MYO18B: variants seen among roughly 807,000 people sequenced by gnomAD.
MYO18B encodes the protein myosin XVIIIB, also known as unconventional myosin-XVIIIb.
Under a neutral mutation model 273.0 loss-of-function variants are expected in MYO18B, and 204 were observed. The ratio of observed to expected loss-of-function variants is 0.75; its 90% confidence interval spans 0.67 to 0.84. The LOEUF is 0.84. Among genes scored for constraint, MYO18B ranks in the 40% least tolerant of loss-of-function variants. The pLI, the probability that MYO18B is intolerant of heterozygous loss-of-function variation, is 0.00. For synonymous variants in MYO18B, 1,330 were observed against 1,305.7 expected (o/e 1.02, Z -0.40); for missense variants, 3,212 against 3,287.6 (o/e 0.98, Z 0.56).
rs180915341 is a variant in MYO18B at position 25,836,878 on chromosome 22, C to T, written c.3208+1435C>T. On this transcript the variant is annotated intron_variant, in intron 17 of 43. Coordinates refer to ENST00000335473, the MANE Select transcript of MYO18B (RefSeq NM_032608.7). Reference sequence around the variant, plus strand: ...TCGGGAGGCTGAGGCAGGAGAATTGCTTGAACCCAGGAGGTAGAGTTTGCA... The same window carrying T: ...TCGGGAGGCTGAGGCAGGAGAATTGTTTGAACCCAGGAGGTAGAGTTTGCA... Among the ~76,000 whole-genome samples, 107 of 151,984 alleles carry T rather than the reference C, an allele frequency of 7.0e-4. 1 individual carries two copies. In the East Asian group the frequency reaches 0.019, roughly 27 times the overall value.
intron 39 of MYO18B, among the ~76,000 whole-genome samples, chr22:25,984,865 A>T (rs2093184785): frequency 6.6e-6 from 1 of 151,682 alleles, no homozygotes. Context: ...GAAGCACAGG[A>T]CAGCACTGGA....
intron 39 of MYO18B, among the ~76,000 whole-genome samples, chr22:25,959,597 T>A (rs2092895500): frequency 6.6e-6 from 1 of 152,158 alleles, no homozygotes; most frequent in Admixed American, 6.6e-5. Flanking sequence ...AGAATTCACA[T>A]CCTCCCTGGG....
chr22:26,051,049 G>A, the MYO18B span, among the ~76,000 whole-genome samples: 1 of 152,082 alleles, frequency 6.6e-6, no homozygotes, highest in Admixed American at 6.5e-5. Flanking sequence ...TCACCTGCAG[G>A]AACAAAGCGC....
intron 42 of MYO18B, among the ~76,000 whole-genome samples, chr22:26,023,159 T>G (rs935111124): frequency 3.9e-5 from 6 of 152,136 alleles, no homozygotes; most frequent in Admixed American, 2.6e-4. Context: ...CCTCTTTCTC[T>G]CCATCTCATT....
chr22:25,936,724 C>T (rs985242980), intron 34 of MYO18B, among the ~76,000 whole-genome samples: 9 of 152,114 alleles, frequency 5.9e-5, no homozygotes, highest in Non-Finnish European at 8.8e-5. Context: ...ATCAGGGTAC[C>T]AGCATGCCTG....
chr22:25,891,614 T>C (rs1330756193), intron 27 of MYO18B, among the ~76,000 whole-genome samples: 1 of 152,252 alleles, frequency 6.6e-6, no homozygotes, highest in Non-Finnish European at 1.5e-5. Flanking sequence ...AATCCAACAA[T>C]ATCCCAGGTA....
Position 25,950,390 on chromosome 22 carries a change from C to A in MYO18B, c.5772C>A (p.Ile1924=). 6.2e-7 allele frequency: 1 copy of A among 1,605,794 alleles called. No homozygotes were observed. Among genetic ancestry groups the A allele is most frequent in the Non-Finnish European group, 8.5e-7 (1 of 1,176,214 alleles). ...AGTCTGCTGCTGACATTGGGCAGAT[C>A]CAAGAACTGCAGCTGCAGCTGGAGG... ...IAQSAADIGQ[I]QELQLQLEEA... is the part of the protein sequence containing the mutation. The change falls in exon 37 of 44, where the codon ATC becomes ATA. Residue 1924 remains isoleucine (I), a synonymous_variant. Transcript: ENST00000335473.
chr22:25,772,233 A>G, intron 6 of MYO18B, 101 bp from the exon 7 acceptor site: 1 of 1,071,012 alleles, frequency 9.3e-7, no homozygotes, highest in Non-Finnish European at 1.3e-6. Context: ...ATAGCTCTCA[A>G]GAGGAGGGCT....
the MYO18B span, among the ~76,000 whole-genome samples, chr22:26,044,338 G>A: frequency 9.2e-5 from 14 of 152,142 alleles, no homozygotes; most frequent in East Asian, 1.7e-3. Context: ...TGGTAAAGCC[G>A]GTTTATTATT....
Position 25,930,784 on chromosome 22 carries a change from T to C in MYO18B, c.5517+9375T>C, listed in dbSNP as rs1183677039. Among the ~76,000 whole-genome samples, 5 of 152,128 alleles carry C rather than the reference T, an allele frequency of 3.3e-5. No homozygotes were observed. In the East Asian group the frequency reaches 5.8e-4, roughly 18 times the overall value. ...CTTCCCTGGACACCCTGAGTGCTCC[T>C]GTAGGTCCTTCCACTTGGGAATTCT... On this transcript the variant is annotated intron_variant, in intron 34 of 43. Coordinates refer to ENST00000335473, the MANE Select transcript of MYO18B (RefSeq NM_032608.7).
chr22:25,890,228 A>G (rs375616956), intron 25 of MYO18B, among the ~76,000 whole-genome samples: 1 of 152,224 alleles, frequency 6.6e-6, no homozygotes. Flanking sequence ...CTGGATGTGC[A>G]TGCCTGTCAC....
intron 34 of MYO18B, among the ~76,000 whole-genome samples, chr22:25,941,786 C>T (rs1289736882): frequency 6.6e-6 from 1 of 152,212 alleles, no homozygotes; most frequent in Non-Finnish European, 1.5e-5. Context: ...CTATCCAGAT[C>T]CTCTTAAAAT....
At position 25,843,876 on chromosome 22, in the gene MYO18B, T is replaced by C. The variant is rs758189660; in HGVS notation, c.3350T>C (p.Val1117Ala). The C allele has an allele frequency of 2.9e-5, 46 of 1,608,318 alleles. No individual in the cohort carries two copies. The highest frequency in any genetic ancestry group is 3.7e-5 in the Non-Finnish European group (44 of 1,175,442). Reference sequence around the variant, plus strand: ...CTCTCGGCCCTGGATGCACCCCAGGTCCTGCACCAGTCAAAAAGGTGAGTT... The same window carrying C: ...CTCTCGGCCCTGGATGCACCCCAGGCCCTGCACCAGTCAAAAAGGTGAGTT... Reference protein sequence around the residue: ...PNLSALDAPQVLHQSKREELR... With the variant: ...PNLSALDAPQALHQSKREELR... The change falls in exon 18 of 44, where the codon GTC (valine) becomes GCC (alanine). Residue 1117 changes from valine (V) to alanine (A), a missense_variant. By Grantham distance (64) the Val-to-Ala change is moderately conservative. Transcript: ENST00000335473.
the MYO18B span, among the ~76,000 whole-genome samples, chr22:26,043,579 C>T: frequency 1.4e-5 from 2 of 146,130 alleles, no homozygotes; most frequent in African/African-American, 5.1e-5. Flanking sequence ...GGTGCGATCT[C>T]GGCTCACTGC....
rs58609797 is a variant in MYO18B at position 25,908,396 on chromosome 22, G to A, written c.5223G>A (p.Glu1741=). The A allele has an allele frequency of 0.022, 35,043 of 1,600,542 alleles. 829 individuals are homozygous for A. The highest frequency in any genetic ancestry group is 0.12 in the African/African-American group (9,060 of 74,804). ...AGAAGGACCGTGAGGACCAGGAGGA[G>A]GAACTGGAGGATGTCCGTCAGTCCT... is the stretch of plus-strand genomic sequence containing the variant. ...MHQKDREDQE[E]ELEDVRQSCQ... The change falls in exon 32 of 44, where the codon GAG becomes GAA. Residue 1741 remains glutamate (E), a synonymous_variant. Transcript: ENST00000335473.
chr22:25,819,744 C>CA (rs1312040171), intron 12 of MYO18B, among the ~76,000 whole-genome samples: 2 of 151,798 alleles, frequency 1.3e-5, no homozygotes, highest in Non-Finnish European at 2.9e-5. Flanking sequence ...AAAGATATGG[C>CA]AAAAAAGATG....
intron 40 of MYO18B, among the ~76,000 whole-genome samples, chr22:26,000,029 A>G (rs1933799951): frequency 6.6e-6 from 1 of 152,216 alleles, no homozygotes; most frequent in South Asian, 2.1e-4. Flanking sequence ...TGAGGGTCCC[A>G]GACAGCTGTA....
chr22:25,921,827 T>C (rs955130082), intron 34 of MYO18B, among the ~76,000 whole-genome samples: 12 of 76,520 alleles, frequency 1.6e-4, no homozygotes, highest in Admixed American at 7.1e-4. Flanking sequence ...TGTGTGTGTG[T>C]GTGTGTGTGT....
chr22:25,895,397 C>A, intron 28 of MYO18B, 117 bp downstream of exon 28: 1 of 1,257,670 alleles, frequency 8.0e-7, no homozygotes, highest in Non-Finnish European at 1.1e-6. Context: ...AGGACACAAA[C>A]CCCTTAAGGT....
Sources: gnomAD v4.1 joint callset for allele counts (sites outside exome capture counted in the v4.1 genomes callset) on GRCh38, gnomAD v4.1.1 for gene constraint, MANE v1.5 for transcripts, NCBI Gene and HGNC (gene_info 2026-07-23, HGNC 2026-07-21) for gene names.